TM4SF18: variants seen among roughly 807,000 people sequenced by gnomAD.
TM4SF18 encodes the protein transmembrane 4 L6 family member 18.
A neutral mutation model predicts 23.8 loss-of-function variants in TM4SF18; 22 were observed. The observed-to-expected ratio is 0.92, with a 90% CI of 0.66 to 1.32. TM4SF18 has a LOEUF of 1.32. Ranked by LOEUF, TM4SF18 falls within the 40% of genes most tolerant of loss-of-function variation. TM4SF18 has a pLI of 0.00. For missense variants in TM4SF18, 255 were observed against 240.3 expected (o/e 1.06, Z -0.41); for synonymous variants, 87 against 87.9 (o/e 0.99, Z 0.06).
intron 3 of TM4SF18, among the ~76,000 whole-genome samples, chr3:149,327,167 CT>C (rs1419615459): frequency 6.6e-6 from 1 of 152,212 alleles, no homozygotes; most frequent in Non-Finnish European, 1.5e-5. Flanking sequence ...CCAGGCTGCT[CT>C]CAAACTCCTG....
intron 2 of TM4SF18, among the ~76,000 whole-genome samples, chr3:149,331,450 T>TATGAC (rs1200021959): frequency 1.3e-5 from 2 of 152,148 alleles, no homozygotes; most frequent in African/African-American, 2.4e-5. Context: ...CATCGTTAGT[T>TATGAC]ATGACAGATT....
At chr3:149,329,508 C>G (rs534629466) in intron 3 of TM4SF18, among the ~76,000 whole-genome samples, 1 of 152,298 alleles carries the variant, frequency 6.6e-6, no homozygotes, top group South Asian at 2.1e-4. Context: ...AAAACTCCTC[C>G]TAGCTAATAA....
At chr3:149,331,265 C>A (rs1462012166) in intron 2 of TM4SF18, among the ~76,000 whole-genome samples, 1 of 151,938 alleles carries the variant, frequency 6.6e-6, no homozygotes, top group African/African-American at 2.4e-5. Context: ...TTTTTTTGTT[C>A]ATTTAATTAT....
chr3:149,324,957 A>G lies in TM4SF18; in HGVS notation c.333T>C (p.Ser111=). The change falls in exon 4 of 6, where the codon TCT becomes TCC. Residue 111 remains serine, a synonymous_variant. Coordinates refer to ENST00000296059, the MANE Select transcript of TM4SF18 (RefSeq NM_138786.4). Reference sequence around the variant, plus strand: ...ATGGCCCTTGGACAAGACCCAAGGCAGAGATGACCAGGCAGTATCCAGAAA... The same window carrying G: ...ATGGCCCTTGGACAAGACCCAAGGCGGAGATGACCAGGCAGTATCCAGAAA... ...IAFSGYCLVI[S]ALGLVQGPYC... is the part of the protein sequence containing the mutation. 6.2e-7 allele frequency: 1 copy of G among 1,614,210 alleles called. No homozygotes were observed. The highest frequency in any genetic ancestry group is 1.1e-5 in the South Asian group (1 of 91,084).
At chr3:149,329,091 C>T (rs1731019691) in intron 3 of TM4SF18, among the ~76,000 whole-genome samples, 1 of 151,356 alleles carries the variant, frequency 6.6e-6, no homozygotes. Flanking sequence ...TTCCCCTAGG[C>T]AATTTTGAAA....
chr3:149,328,072 A>G (rs1044426827), intron 3 of TM4SF18, among the ~76,000 whole-genome samples: 1 of 152,192 alleles, frequency 6.6e-6, no homozygotes, highest in African/African-American at 2.4e-5. Flanking sequence ...GCTTTCCAGG[A>G]ATAATTGTCC....
intron 4 of TM4SF18, among the ~76,000 whole-genome samples, chr3:149,322,905 C>CTTTTTTGTTTTTGTTTTTTTTTTTT (rs1730844467): frequency 7.8e-6 from 1 of 128,768 alleles, no homozygotes; most frequent in Non-Finnish European, 1.7e-5. Context: ...GGCCTCCAGA[C>CTTTTTTGTTTTTGTTTTTTTTTTTT]TTTTTTTTTT....
Position 149,321,459 on chromosome 3 carries a change from GA to G in TM4SF18, c.*18del, listed in dbSNP as rs1162320639. 6 of 1,557,418 alleles carry G rather than the reference GA, an allele frequency of 3.9e-6. No homozygotes were observed. The African/African-American group carries it at 8.2e-5, about 21-fold the overall frequency. On this transcript the variant is annotated 3_prime_UTR_variant, in exon 6 of 6. Coordinates refer to ENST00000296059, the MANE Select transcript of TM4SF18 (RefSeq NM_138786.4). ...GATAGATGGCCATGTCTTGATAATGGAAAACATTTTGTCCTTATTCAAATGA... is the reference window on the plus strand; with the variant it reads ...GATAGATGGCCATGTCTTGATAATGGAAACATTTTGTCCTTATTCAAATGA...
chr3:149,323,163 G>T (rs1730854107), intron 4 of TM4SF18, among the ~76,000 whole-genome samples: 1 of 152,102 alleles, frequency 6.6e-6, no homozygotes, highest in African/African-American at 2.4e-5. Flanking sequence ...CTCCCAAAGT[G>T]CTGGGATTAC....
At chr3:149,326,379 T>C (rs2108361012) in intron 3 of TM4SF18, among the ~76,000 whole-genome samples, 1 of 152,344 alleles carries the variant, frequency 6.6e-6, no homozygotes, top group Admixed American at 6.5e-5. Flanking sequence ...TGTGGGCCTT[T>C]CATGCTAAGG....
intron 4 of TM4SF18, 80 bp downstream of exon 4, chr3:149,324,800 G>T: frequency 6.3e-7 from 1 of 1,578,604 alleles, no homozygotes; most frequent in South Asian, 1.1e-5. Context: ...AAGTGATCAT[G>T]GAAAATGAGC....
chr3:149,330,167 A>T, intron 3 of TM4SF18, 163 bp downstream of exon 3: 1 of 404,822 alleles, frequency 2.5e-6, no homozygotes, highest in Non-Finnish European at 4.4e-6. Flanking sequence ...AGTGGAGGAA[A>T]GACTAAGCAA....
At chr3:149,323,481 C>A (rs1422413088) in intron 4 of TM4SF18, among the ~76,000 whole-genome samples, 2 of 152,170 alleles carry the variant, frequency 1.3e-5, no homozygotes, top group Non-Finnish European at 2.9e-5. Context: ...TGCAATGTTG[C>A]AGGAAGTCGG....
At chr3:149,325,878 A>T (rs1730931717) in intron 3 of TM4SF18, among the ~76,000 whole-genome samples, 1 of 151,802 alleles carries the variant, frequency 6.6e-6, no homozygotes, top group South Asian at 2.1e-4. Context: ...AGCACAATAA[A>T]CCCCTACATA....
intron 2 of TM4SF18, among the ~76,000 whole-genome samples, chr3:149,331,776 T>G (rs964448699): frequency 5.3e-5 from 8 of 152,242 alleles, no homozygotes; most frequent in African/African-American, 1.7e-4. Context: ...TTCCCACATA[T>G]GTCTATTTGA....
Position 149,324,861 on chromosome 3 carries a change from T to G in TM4SF18, c.410+19A>C. On this transcript the variant is annotated intron_variant, in intron 4 of 5. Transcript: ENST00000296059. ...TTTCTGATTTTCCGACCTCCTTGGT[T>G]TGGGGAATTATTCCTTACCGTCCAG... 1.2e-6 allele frequency: 2 copies of G among 1,613,484 alleles called. No individual in the cohort carries two copies. Among genetic ancestry groups the G allele is most frequent in the Non-Finnish European group, 1.7e-6 (2 of 1,179,608 alleles).
rs530503158 is a variant in TM4SF18, at chr3:149,325,262, T to G, written c.268-240A>C. ...GTAACTAGGTAATTTACTAAATTTA[T>G]TCTTTCCTTGTGGAATTTTGATATC... is the stretch of plus-strand genomic sequence containing the variant. On this transcript the variant is annotated intron_variant, in intron 3 of 5. Coordinates refer to ENST00000296059, the MANE Select transcript of TM4SF18 (RefSeq NM_138786.4). 5.9e-5 allele frequency among the ~76,000 whole-genome samples: 9 copies of G among 152,334 alleles called. No homozygotes were observed. The South Asian group carries it at 1.9e-3, about 32-fold the overall frequency.
chr3:149,323,344 T>C (rs1730858862), intron 4 of TM4SF18, among the ~76,000 whole-genome samples: 1 of 152,170 alleles, frequency 6.6e-6, no homozygotes, highest in South Asian at 2.1e-4. Context: ...TAAACCTATC[T>C]CATACCCCCA....
At chr3:149,325,230 C>T (rs989291767) in intron 3 of TM4SF18, among the ~76,000 whole-genome samples, 7 of 152,042 alleles carry the variant, frequency 4.6e-5, no homozygotes, top group African/African-American at 1.4e-4. Context: ...TTTGGCATCA[C>T]ATAGAGGTAA....
Sources: allele counts gnomAD v4.1 joint callset (sites outside exome capture counted in the v4.1 genomes callset), GRCh38; gene constraint gnomAD v4.1.1; transcripts MANE v1.5; gene names NCBI Gene and HGNC (gene_info 2026-07-23, HGNC 2026-07-21).